The following MAP2K6 variants were observed in gnomAD, a reference collection of about 807,000 sequenced individuals.
MAP2K6 encodes dual specificity mitogen-activated protein kinase kinase 6.
A neutral mutation model predicts 53.7 loss-of-function variants in MAP2K6; 16 were observed. That is an observed-to-expected ratio of 0.30 (90% CI 0.20 to 0.45). The LOEUF (loss-of-function observed/expected upper bound fraction) is 0.45. Among genes scored for constraint, MAP2K6 ranks in the 20% least tolerant of loss-of-function variants. MAP2K6 has a pLI of 1.00. For synonymous variants in MAP2K6, 132 were observed against 143.1 expected (o/e 0.92, Z 0.55); for missense variants, 204 against 411.9 (o/e 0.50, Z 4.37).
intron 8 of MAP2K6, 27 bp from the exon 9 acceptor site, chr17:69,524,874 T>G (rs776158787): frequency 6.4e-7 from 1 of 1,566,182 alleles, no homozygotes; most frequent in Non-Finnish European, 8.8e-7. Context: ...GTCTTCCCAG[T>G]TTCTCAGTTG....
chr17:69,447,904 G>C (rs1404076475), intron 1 of MAP2K6, among the ~76,000 whole-genome samples: 1 of 152,160 alleles, frequency 6.6e-6, no homozygotes, highest in Non-Finnish European at 1.5e-5. Context: ...CTGAGTCCAG[G>C]GGAGTGCAGA....
chr17:69,428,864 G>T (rs67052538), intron 1 of MAP2K6, among the ~76,000 whole-genome samples: 12,219 of 45,892 alleles, frequency 0.27, 1,393 homozygotes, highest in African/African-American at 0.53. Flanking sequence ...TTTTGTTTTT[G>T]TTTTTTTTTT....
At chr17:69,496,274 CTT>C (rs10676734) in intron 1 of MAP2K6, among the ~76,000 whole-genome samples, 8 of 140,322 alleles carry the variant, frequency 5.7e-5, no homozygotes, top group East Asian at 2.1e-4. Flanking sequence ...GCCTTCCCTT[CTT>C]TTTTTTTTTT....
chr17:69,480,690 C>T (rs2145191272), intron 1 of MAP2K6, among the ~76,000 whole-genome samples: 2 of 152,196 alleles, frequency 1.3e-5, no homozygotes, highest in Non-Finnish European at 2.9e-5. Context: ...AGAAAGCGTA[C>T]ACCTCCAGGG....
At chr17:69,417,544 T>A (rs1905944695) in intron 1 of MAP2K6, among the ~76,000 whole-genome samples, 1 of 152,222 alleles carries the variant, frequency 6.6e-6, no homozygotes, top group Admixed American at 6.5e-5. Context: ...TCCACAGTTG[T>A]AACTTTAGGT....
chr17:69,425,218 T>C (rs1352641276), intron 1 of MAP2K6, among the ~76,000 whole-genome samples: 2 of 152,198 alleles, frequency 1.3e-5, no homozygotes, highest in African/African-American at 2.4e-5. Flanking sequence ...CCTCTTGTAC[T>C]GGACAGAGTG....
At chr17:69,502,383 G>T in intron 1 of MAP2K6, 1 of 985,442 alleles carries the variant, frequency 1.0e-6, no homozygotes, top group Non-Finnish European at 1.2e-6. Context: ...GCCTCTGCTG[G>T]TCTCTTACTG....
chr17:69,423,060 T>C (rs1241391402), intron 1 of MAP2K6, among the ~76,000 whole-genome samples: 3 of 152,100 alleles, frequency 2.0e-5, no homozygotes, highest in African/African-American at 7.2e-5. Context: ...ATTTTTTGTA[T>C]TTTTAGTAGA....
intron 10 of MAP2K6, among the ~76,000 whole-genome samples, chr17:69,531,319 C>CT (rs1424670982): frequency 2.0e-5 from 3 of 152,156 alleles, no homozygotes; most frequent in African/African-American, 7.2e-5. Context: ...GTGTATCCTA[C>CT]CTAAGCATTC....
chr17:69,453,845 A>G (rs1262188563), intron 1 of MAP2K6, among the ~76,000 whole-genome samples: 1 of 152,222 alleles, frequency 6.6e-6, no homozygotes, highest in African/African-American at 2.4e-5. Flanking sequence ...GGAACAATTA[A>G]TCAGAACTCC....
At chr17:69,499,798 G>A (rs1380000655) in intron 1 of MAP2K6, among the ~76,000 whole-genome samples, 1 of 152,198 alleles carries the variant, frequency 6.6e-6, no homozygotes, top group African/African-American at 2.4e-5. Context: ...GAAAAGGTTT[G>A]CGGGAAATGA....
intron 6 of MAP2K6, chr17:69,520,628 CTA>C (rs1910416302): frequency 8.6e-6 from 4 of 467,556 alleles, no homozygotes; most frequent in Non-Finnish European, 1.5e-5. Flanking sequence ...CATTCATCAG[CTA>C]TGACCACATT....
At chr17:69,482,491 T>C (rs756841351) in intron 1 of MAP2K6, among the ~76,000 whole-genome samples, 1 of 152,090 alleles carries the variant, frequency 6.6e-6, no homozygotes, top group Admixed American at 6.6e-5. Flanking sequence ...TTTATGCATG[T>C]ATAAGCAACT....
chr17:69,447,920 C>T (rs1023347186), intron 1 of MAP2K6, among the ~76,000 whole-genome samples: 2 of 152,120 alleles, frequency 1.3e-5, no homozygotes, highest in Non-Finnish European at 2.9e-5. Flanking sequence ...GCAGAACTGC[C>T]AGACTGTTGA....
chr17:69,515,318 G>C (rs1490823140), intron 2 of MAP2K6, among the ~76,000 whole-genome samples: 1 of 151,930 alleles, frequency 6.6e-6, no homozygotes, highest in East Asian at 1.9e-4. Context: ...CACAATGCCC[G>C]GCTAATTTTT....
At chr17:69,529,636 G>C (rs1176108958) in intron 10 of MAP2K6, among the ~76,000 whole-genome samples, 1 of 150,564 alleles carries the variant, frequency 6.6e-6, no homozygotes. Context: ...TCAGCCTCCT[G>C]AGTAGCTGGG....
chr17:69,445,721 G>T (rs949668982), intron 1 of MAP2K6, among the ~76,000 whole-genome samples: 2 of 151,956 alleles, frequency 1.3e-5, no homozygotes, highest in African/African-American at 4.8e-5. Context: ...ACAATGAATT[G>T]TTTCTAAAGC....
intron 1 of MAP2K6, among the ~76,000 whole-genome samples, chr17:69,471,904 C>T (rs1031428038): frequency 6.6e-5 from 10 of 152,100 alleles, no homozygotes; most frequent in East Asian, 3.9e-4. Flanking sequence ...TGAATGATTT[C>T]GTATGATTTA....
rs975530289 is a variant in MAP2K6, at chr17:69,553,536, T to G, written c.*11783T>G. The G allele has an allele frequency of 6.6e-6, 1 of 152,226 alleles. No individual in the cohort carries two copies. The highest frequency in any genetic ancestry group is 1.9e-4 in the East Asian group (1 of 5,198). 9.4% of individuals were successfully genotyped at this position (152,226 alleles called of 1,614,324 possible). A position where few individuals can be genotyped will look rare whatever the true frequency, so the allele number is the denominator to read the frequency against. ...TCCTATCTCAGGATATTCTTCAGTT[T>G]CATACTGCTGAGGAGAAAGGAACAA... On this transcript the variant is annotated 3_prime_UTR_variant, in exon 12 of 12. Transcript: ENST00000590474.
Sources: allele counts gnomAD v4.1 joint callset (sites outside exome capture counted in the v4.1 genomes callset), GRCh38; gene constraint gnomAD v4.1.1; transcripts MANE v1.5; gene names NCBI Gene and HGNC (gene_info 2026-07-23, HGNC 2026-07-21).